The following APC variants were observed in gnomAD, a reference collection of about 807,000 sequenced individuals.
APC encodes the protein APC regulator of Wnt signaling pathway.
APC carries 72 observed loss-of-function variants against 247.0 expected under a neutral mutation model. The ratio of observed to expected loss-of-function variants is 0.29; its 90% CI spans 0.24 to 0.35. The LOEUF (loss-of-function observed/expected upper bound fraction) is 0.35, where lower values mean the gene tolerates loss of function less well. Ranked by LOEUF, APC falls within the 10% of genes least tolerant of loss-of-function variation. APC has a pLI of 1.00. For synonymous variants in APC, 1,254 were observed against 1,162.5 expected, an observed-to-expected ratio of 1.08 and a Z score of -1.60; for missense variants, 3,400 against 3,360.7, an observed-to-expected ratio of 1.01 and a Z score of -0.29.
At chr5:112,714,419 G>C (rs1751039554) in intron 1 of APC, among the ~76,000 whole-genome samples, 1 of 152,196 alleles carries the variant, frequency 6.6e-6, no homozygotes, top group South Asian at 2.1e-4. Context: ...GCAAGTGACA[G>C]AAAACACAAA....
rs1470915050 is a variant in APC at position 112,839,415 on chromosome 5, G to A, written c.3821G>A (p.Cys1274Tyr). 4 of 1,614,026 alleles carry A rather than the reference G, an allele frequency of 2.5e-6. No individual in the cohort carries two copies. The African/African-American group carries it at 4.0e-5, about 16-fold the overall frequency. ...VEDTPICFSRCSSLSSLSSAE... is the reference protein window; with the variant it reads ...VEDTPICFSRYSSLSSLSSAE... ...GATACTCCAATATGTTTTTCAAGAT[G>A]TAGTTCATTATCATCTTTGTCATCA... The change falls in exon 16 of 16, where the codon TGT becomes TAT. Residue 1274 changes from cysteine to tyrosine, a missense_variant. This residue lies in a region of APC where 715 missense variants were observed against 656.6 expected (regional missense o/e 1.09). Transcript: ENST00000257430. The surrounding 1 kb of genome is among the most constrained non-coding windows in gnomAD (Gnocchi z 5.0).
At chr5:112,836,162 A>AG (rs1277196184) in intron 15 of APC, among the ~76,000 whole-genome samples, 1 of 41,134 alleles carries the variant, frequency 2.4e-5, no homozygotes, top group Non-Finnish European at 5.4e-5. Context: ...CTGGGATTAC[A>AG]GGTCCCCCCC....
intron 4 of APC, 65 bp downstream of exon 4, chr5:112,767,455 A>G (rs1226086811): frequency 7.7e-7 from 1 of 1,304,900 alleles, no homozygotes; most frequent in Non-Finnish European, 1.1e-6. Flanking sequence ...TTTGTAATAT[A>G]ATATTTAAAT....
At chr5:112,819,389 A>C in intron 10 of APC, 45 bp downstream of exon 10, 1 of 1,613,108 alleles carries the variant, frequency 6.2e-7, no homozygotes, top group Non-Finnish European at 8.5e-7. Context: ...TTCAAAGCAA[A>C]TGTGAAATTT....
rs749782426 is a variant in APC at position 112,840,377 on chromosome 5, G to T, written c.4783G>T (p.Ala1595Ser). 4 of 1,614,172 alleles carry T rather than the reference G, an allele frequency of 2.5e-6. No individual in the cohort carries two copies. The East Asian group carries it at 8.9e-5, about 36-fold the overall frequency. The change falls in exon 16 of 16, where the codon GCC becomes TCC. Residue 1595 changes from alanine (A) to serine (S), a missense_variant. Coordinates refer to ENST00000257430, the MANE Select transcript of APC (RefSeq NM_000038.6). The surrounding 1 kb of genome is among the most constrained non-coding windows in gnomAD (Gnocchi z 4.1). ...GTCATCACGTAAAGCAAAAAAGCCA[G>T]CCCAGACTGCTTCAAAATTACCTCC... ...TKSSRKAKKP[A>S]QTASKLPPPV... is the part of the protein sequence containing the mutation.
At chr5:112,823,558 A>G (rs1324750480) in intron 11 of APC, among the ~76,000 whole-genome samples, 2 of 152,216 alleles carry the variant, frequency 1.3e-5, no homozygotes, top group East Asian at 3.8e-4. Context: ...AATCCCAAAT[A>G]GGTAAAGGGG....
At chr5:112,789,104 T>G (rs1029042839) in intron 6 of APC, among the ~76,000 whole-genome samples, 1 of 152,236 alleles carries the variant, frequency 6.6e-6, no homozygotes, top group Non-Finnish European at 1.5e-5. Context: ...AGAGTTATCC[T>G]GAATCTGTAT....
intron 1 of APC, among the ~76,000 whole-genome samples, chr5:112,726,607 T>C (rs1439669838): frequency 6.6e-6 from 1 of 152,142 alleles, no homozygotes; most frequent in Non-Finnish European, 1.5e-5. Flanking sequence ...GGAATGCCTC[T>C]TCCTATTTAG....
intron 1 of APC, among the ~76,000 whole-genome samples, chr5:112,722,215 A>G (rs1257031414): frequency 1.3e-5 from 2 of 152,202 alleles, no homozygotes; most frequent in Non-Finnish European, 2.9e-5. Flanking sequence ...CAGTAGTACT[A>G]AAGTAATACA....
rs1766920636 is a variant in APC at position 112,845,653 on chromosome 5, A to G, written c.*1527A>G. 1 of 231,972 alleles carries G rather than the reference A, an allele frequency of 4.3e-6. No homozygotes were observed. The allele number at this position is 231,972 out of a possible 1,614,324, so 14.4% of individuals were successfully genotyped here. A position where few individuals can be genotyped will look rare whatever the true frequency, so the allele number is the denominator to read the frequency against. ...TAAGGAAACTTTATTTGTGGTAGGT[A>G]CAGTTCTGGGGTACATGTTAAGTGT... is the stretch of plus-strand genomic sequence containing the variant. On this transcript the variant is annotated 3_prime_UTR_variant, in exon 16 of 16. Coordinates refer to ENST00000257430, the MANE Select transcript of APC (RefSeq NM_000038.6).
At chr5:112,774,827 A>G (rs1757435929) in intron 4 of APC, among the ~76,000 whole-genome samples, 1 of 152,234 alleles carries the variant, frequency 6.6e-6, no homozygotes, top group Non-Finnish European at 1.5e-5. Context: ...CATACACTAT[A>G]ATAATATGCT....
Position 112,718,898 on chromosome 5 carries a change from A to G in APC, c.165+11016A>G, listed in dbSNP as rs139966529. On this transcript the variant is annotated intron_variant, in intron 1 of 13. Transcript: ENST00000507379. ...GGGCTCCTTTGATGGTGCAAATTAG[A>G]TACCTGGAAAAGGTAGACTTTAAGC... is the stretch of plus-strand genomic sequence containing the variant. Among the ~76,000 whole-genome samples the G allele has an allele frequency of 1.1e-3, 172 of 152,352 alleles. 1 individual carries two copies. Among genetic ancestry groups the G allele is most frequent in the Non-Finnish European group, 1.3e-3 (88 of 68,036 alleles).
chr5:112,818,836 T>G (rs1762781456), intron 9 of APC, 130 bp from the exon 10 acceptor site: 9 of 849,530 alleles, frequency 1.1e-5, no homozygotes, highest in East Asian at 3.1e-5. Context: ...GGTTTTTTGT[T>G]TTTTTTTTGG....
chr5:112,832,342 A>G (rs1386926978), intron 14 of APC, among the ~76,000 whole-genome samples: 3 of 152,114 alleles, frequency 2.0e-5, no homozygotes, highest in Admixed American at 6.6e-5. Context: ...CTCAGTCACA[A>G]TGTAATTAAA....
intron 12 of APC, among the ~76,000 whole-genome samples, 187 bp downstream of exon 12, chr5:112,827,434 G>T (rs1440459370): frequency 6.6e-6 from 1 of 151,990 alleles, no homozygotes; most frequent in African/African-American, 2.4e-5. Flanking sequence ...AAAGGCAAAG[G>T]TACATCTACA....
chr5:112,722,688 T>G (rs1396816325), intron 1 of APC, among the ~76,000 whole-genome samples: 1 of 152,088 alleles, frequency 6.6e-6, no homozygotes, highest in Non-Finnish European at 1.5e-5. Context: ...AAACACTTGC[T>G]TATATTTACT....
Position 112,837,967 on chromosome 5 carries a change from C to T in APC, c.2373C>T (p.His791=), listed in dbSNP as rs2149867589. 1.2e-6 allele frequency: 2 copies of T among 1,614,074 alleles called. No individual in the cohort carries two copies. Among genetic ancestry groups the T allele is most frequent in the Non-Finnish European group, 1.7e-6 (2 of 1,180,018 alleles). The part of the protein sequence containing the change: ...PKASHRSKQR[H]KQSLYGDYVF... The stretch of plus-strand genomic sequence containing the variant: ...CATCTCATCGTAGTAAGCAGAGACA[C>T]AAGCAAAGTCTCTATGGTGATTATG... Residue 791 remains histidine (H), a synonymous_variant, in exon 16 of 16, where the codon CAC becomes CAT. Coordinates refer to ENST00000257430, the MANE Select transcript of APC (RefSeq NM_000038.6).
chr5:112,843,563 G>A lies in APC; in HGVS notation c.7969G>A (p.Val2657Ile), dbSNP rs769433536. The A allele has an allele frequency of 1.2e-6, 2 of 1,613,990 alleles. No homozygotes were observed. Among genetic ancestry groups the A allele is most frequent in the East Asian group, 4.5e-5 (2 of 44,880 alleles). The change falls in exon 16 of 16, where the codon GTT (valine) becomes ATT (isoleucine). Residue 2657 changes from valine to isoleucine, a missense_variant. Around this residue, in one of 9 missense-constraint regions of APC, gnomAD observed 1,788 missense variants for 1,649.5 expected, o/e 1.08. Transcript: ENST00000257430. This position sits in a 1 kb window ranked among gnomAD's most constrained non-coding sequence, Gnocchi z 4.8. ...ACCTGCTGTTTCTAAAACAGAGGAT[G>A]TTTGGGTGAGAATTGAGGACTGTCC... Reference protein sequence around the residue: ...MAPAVSKTEDVWVRIEDCPIN... With the variant: ...MAPAVSKTEDIWVRIEDCPIN...
chr5:112,734,540 A>G (rs1010004374), upstream of APC, among the ~76,000 whole-genome samples: 3 of 152,224 alleles, frequency 2.0e-5, no homozygotes, highest in Non-Finnish European at 4.4e-5. Flanking sequence ...AAGAAAAAAA[A>G]AGCTTGTTGA....
Sources: allele counts gnomAD v4.1 joint callset (sites outside exome capture counted in the v4.1 genomes callset), GRCh38; gene constraint gnomAD v4.1.1; regional missense constraint gnomAD v4.1.1; non-coding constraint Gnocchi (gnomAD v3.1); transcripts MANE v1.5; gene names NCBI Gene and HGNC (gene_info 2026-07-23, HGNC 2026-07-21).